Variants in FAM171A1 observed in about 807,000 individuals in gnomAD.
FAM171A1 encodes the protein protein FAM171A1.
A neutral mutation model predicts 74.9 loss-of-function variants in FAM171A1; 23 were observed. That is an observed-to-expected ratio of 0.31 (90% CI 0.22 to 0.44). The LOEUF (loss-of-function observed/expected upper bound fraction) is 0.44. Ranked by LOEUF, FAM171A1 falls within the 20% of genes least tolerant of loss-of-function variation. FAM171A1 has a pLI of 1.00. For synonymous variants in FAM171A1, 527 were observed against 505.7 expected (o/e 1.04, Z -0.57); for missense variants, 1,162 against 1,159.2 (o/e 1.00, Z -0.03).
rs1836141284 is a variant in FAM171A1, at chr10:15,371,106, G to A, written c.-54C>T. On this transcript the variant is annotated 5_prime_UTR_variant, in exon 1 of 8. Coordinates refer to ENST00000378116, the MANE Select transcript of FAM171A1 (RefSeq NM_001010924.2). Reference sequence around the variant, plus strand: ...GCTCGCCGAGAGCGGGCCGGGCGGCGGCGCGTCACGGGCGGCCGGGCGCCG... The same window carrying A: ...GCTCGCCGAGAGCGGGCCGGGCGGCAGCGCGTCACGGGCGGCCGGGCGCCG... 1 of 831,960 alleles carries A rather than the reference G, an allele frequency of 1.2e-6. No homozygotes were observed. Among genetic ancestry groups the A allele is most frequent in the Non-Finnish European group, 1.4e-6 (1 of 692,558 alleles). The allele number at this position is 831,960 out of a possible 1,614,324, so 51.5% of individuals were successfully genotyped here.
At chr10:15,350,800 G>A (rs1364536110) in intron 1 of FAM171A1, among the ~76,000 whole-genome samples, 1 of 152,064 alleles carries the variant, frequency 6.6e-6, no homozygotes, top group Non-Finnish European at 1.5e-5. Flanking sequence ...GTACCACCAC[G>A]CCTGGCTGAT....
At chr10:15,299,668 C>T (rs1266364719) in intron 1 of FAM171A1, among the ~76,000 whole-genome samples, 1 of 151,682 alleles carries the variant, frequency 6.6e-6, no homozygotes, top group Non-Finnish European at 1.5e-5. Context: ...GAAACTGACT[C>T]ATTAATTATT....
intron 1 of FAM171A1, among the ~76,000 whole-genome samples, chr10:15,295,791 C>G (rs780471859): frequency 6.6e-6 from 1 of 152,244 alleles, no homozygotes; most frequent in Admixed American, 6.5e-5. Flanking sequence ...CCCAGCACTC[C>G]TGTGGCTGCC....
intron 3 of FAM171A1, among the ~76,000 whole-genome samples, chr10:15,257,588 G>A (rs45458997): frequency 6.6e-6 from 1 of 152,150 alleles, no homozygotes; most frequent in East Asian, 1.9e-4. Flanking sequence ...TATCTGCTGG[G>A]GCTGGGGGCT....
chr10:15,352,673 C>T lies in FAM171A1; in HGVS notation c.97+18283G>A, dbSNP rs184718516. ...GTTTCAAAAAGTTGTGGGGAAAGTACACAACGAAAGTCTTTTGTCTATTTC... is the reference window on the plus strand; with the variant it reads ...GTTTCAAAAAGTTGTGGGGAAAGTATACAACGAAAGTCTTTTGTCTATTTC... On this transcript the variant is annotated intron_variant, in intron 1 of 7. Coordinates refer to ENST00000378116, the MANE Select transcript of FAM171A1 (RefSeq NM_001010924.2). 3.3e-3 allele frequency among the ~76,000 whole-genome samples: 501 copies of T among 152,270 alleles called. 2 individuals are homozygous for T. Among genetic ancestry groups the T allele is most frequent in the African/African-American group, 0.011 (451 of 41,546 alleles).
chr10:15,215,920 T>C (rs1289813180), intron 7 of FAM171A1, 76 bp downstream of exon 7: 19 of 881,750 alleles, frequency 2.2e-5, no homozygotes, highest in African/African-American at 1.9e-4. Flanking sequence ...CCCACCTCCA[T>C]ATTAATGCTT....
chr10:15,370,737 GGC>G (rs976599633), intron 1 of FAM171A1, among the ~76,000 whole-genome samples: 7 of 25,712 alleles, frequency 2.7e-4, no homozygotes, highest in African/African-American at 9.7e-4. Context: ...CCCGATCCCC[GGC>G]CCCCGAAGCC....
At chr10:15,312,166 G>A (rs1835366715) in intron 1 of FAM171A1, among the ~76,000 whole-genome samples, 1 of 152,144 alleles carries the variant, frequency 6.6e-6, no homozygotes, top group African/African-American at 2.4e-5. Context: ...CTTTTGAATC[G>A]GACCAGATCG....
intron 5 of FAM171A1, among the ~76,000 whole-genome samples, chr10:15,234,264 C>T (rs11259561): frequency 0.14 from 21,148 of 152,026 alleles, 1,557 homozygotes; most frequent in Middle Eastern, 0.18. Flanking sequence ...AACAAACTTA[C>T]GAAAGAAACA....
chr10:15,289,048 C>T (rs1835073038), intron 1 of FAM171A1, among the ~76,000 whole-genome samples: 1 of 152,092 alleles, frequency 6.6e-6, no homozygotes, highest in Non-Finnish European at 1.5e-5. Flanking sequence ...TCTCAAACTC[C>T]TGACCTCAGG....
At chr10:15,299,161 C>T (rs954510652) in intron 1 of FAM171A1, among the ~76,000 whole-genome samples, 5 of 152,156 alleles carry the variant, frequency 3.3e-5, no homozygotes, top group African/African-American at 9.7e-5. Flanking sequence ...TCAGGTGATC[C>T]GCCTGCTTCA....
chr10:15,318,389 C>T (rs1835447717), intron 1 of FAM171A1, among the ~76,000 whole-genome samples: 1 of 152,184 alleles, frequency 6.6e-6, no homozygotes, highest in African/African-American at 2.4e-5. Context: ...CAGTGCTGCA[C>T]CAAGAAGGGG....
At chr10:15,223,524 C>G (rs1160543314) in intron 5 of FAM171A1, among the ~76,000 whole-genome samples, 1 of 152,186 alleles carries the variant, frequency 6.6e-6, no homozygotes, top group Non-Finnish European at 1.5e-5. Flanking sequence ...GAATGCACAC[C>G]TGCCTTTCTC....
At chr10:15,300,855 A>G (rs1205893358) in intron 1 of FAM171A1, among the ~76,000 whole-genome samples, 1 of 152,162 alleles carries the variant, frequency 6.6e-6, no homozygotes, top group African/African-American at 2.4e-5. Flanking sequence ...GAGCTTAATC[A>G]CTGCTAGCCA....
intron 1 of FAM171A1, among the ~76,000 whole-genome samples, chr10:15,295,045 A>G (rs572687591): frequency 5.9e-5 from 9 of 152,286 alleles, no homozygotes; most frequent in Middle Eastern, 3.4e-3. Flanking sequence ...CCTCCTAAGT[A>G]ACTGGGATTA....
At chr10:15,230,268 G>A (rs1340516682) in intron 5 of FAM171A1, among the ~76,000 whole-genome samples, 1 of 152,162 alleles carries the variant, frequency 6.6e-6, no homozygotes, top group Non-Finnish European at 1.5e-5. Flanking sequence ...GCTTTGAGTA[G>A]CTAGGTTTCC....
At chr10:15,336,195 A>G (rs981034990) in intron 1 of FAM171A1, among the ~76,000 whole-genome samples, 2 of 152,196 alleles carry the variant, frequency 1.3e-5, no homozygotes, top group African/African-American at 4.8e-5. Flanking sequence ...AGAGAAACCT[A>G]GAGTCATACC....
In FAM171A1 at chr10:15,220,937, G is replaced by C. The variant is rs373654301; in HGVS notation, c.871+7C>G. On this transcript the variant is annotated splice_region_variant and intron_variant, in intron 6 of 7. Coordinates refer to ENST00000378116, the MANE Select transcript of FAM171A1 (RefSeq NM_001010924.2). The stretch of plus-strand genomic sequence containing the variant: ...CCGCATCATCGCAAGTGTTGGCTCC[G>C]TGTTACCTGGGATGGGAGGGGACAT... 32 of 1,607,074 alleles carry C rather than the reference G, an allele frequency of 2.0e-5. No individual in the cohort carries two copies. Among genetic ancestry groups the C allele is most frequent in the African/African-American group, 2.7e-5 (2 of 74,778 alleles).
intron 3 of FAM171A1, among the ~76,000 whole-genome samples, chr10:15,263,413 A>G (rs1834687638): frequency 2.6e-5 from 4 of 152,158 alleles, no homozygotes; most frequent in Non-Finnish European, 5.9e-5. Context: ...AAAGGACAAA[A>G]CACTCTCCAA....
Sources: allele counts gnomAD v4.1 joint callset (sites outside exome capture counted in the v4.1 genomes callset), GRCh38; gene constraint gnomAD v4.1.1; transcripts MANE v1.5; gene names NCBI Gene and HGNC (gene_info 2026-07-23, HGNC 2026-07-21).